Variants in KRT23 observed in about 807,000 individuals in gnomAD.
KRT23 encodes the protein keratin, type I cytoskeletal 23.
In KRT23, 38 loss-of-function variants were observed where a neutral mutation model predicts 47.6. The ratio of observed to expected loss-of-function variants is 0.80; its 90% confidence interval spans 0.62 to 1.05. KRT23 has a LOEUF of 1.05. Ranked by LOEUF, KRT23 falls within the 50% of genes least tolerant of loss-of-function variation. The pLI is 0.00. For synonymous variants in KRT23, 191 were observed against 199.0 expected, an observed-to-expected ratio of 0.96 and a Z score of 0.34; for missense variants, 503 against 529.5, an observed-to-expected ratio of 0.95 and a Z score of 0.49.
At chr17:40,928,162 G>C in intron 6 of KRT23, 76 bp downstream of exon 6, 1 of 1,584,342 alleles carries the variant, frequency 6.3e-7, no homozygotes, top group Non-Finnish European at 8.6e-7. Flanking sequence ...TGAGGGTCAG[G>C]GCCTGGGAGA....
chr17:40,929,675 A>G (rs1312256997), intron 4 of KRT23: 2 of 411,658 alleles, frequency 4.9e-6, no homozygotes, highest in Non-Finnish European at 8.6e-6. Context: ...TAACAAGCAC[A>G]TCTAGGTAAA....
intron 6 of KRT23, among the ~76,000 whole-genome samples, chr17:40,927,373 A>T (rs149404593): frequency 1.3e-3 from 192 of 152,336 alleles, no homozygotes; most frequent in African/African-American, 4.2e-3. Flanking sequence ...ACGTTTTGAA[A>T]GTTGCACTAT....
intron 4 of KRT23, 117 bp downstream of exon 4, chr17:40,929,823 G>T (rs576977698): frequency 1.5e-5 from 12 of 790,418 alleles, no homozygotes; most frequent in African/African-American, 1.4e-4. Flanking sequence ...GACTATTTAG[G>T]GTGAAGGACA....
intron 2 of KRT23, among the ~76,000 whole-genome samples, chr17:40,934,588 T>C (rs1325366891): frequency 2.0e-5 from 3 of 152,236 alleles, no homozygotes; most frequent in Non-Finnish European, 4.4e-5. Context: ...GTGTGGTTAA[T>C]GATGCAAGTA....
rs1909150372 is a variant in KRT23, at chr17:40,925,260, G to A, written c.1142+94C>T. On this transcript the variant is annotated intron_variant, in intron 7 of 8. Coordinates refer to ENST00000209718, the MANE Select transcript of KRT23 (RefSeq NM_015515.5). The stretch of plus-strand genomic sequence containing the variant: ...TCAACACAACTTTTCTCTTGCTAGA[G>A]TGACTCTTGCTAACAGAACCCAAAG... The A allele has an allele frequency of 1.8e-5, 19 of 1,053,862 alleles. 1 individual carries two copies. The South Asian group carries it at 2.3e-4, about 13-fold the overall frequency. The allele number at this position is 1,053,862 out of a possible 1,614,324, so 65.3% of individuals were successfully genotyped here. A position where few individuals can be genotyped will look rare whatever the true frequency, so the allele number is the denominator to read the frequency against.
chr17:40,930,087 A>AT lies in KRT23; in HGVS notation c.488dup (p.Asn163LysfsTer2). The stretch of plus-strand genomic sequence containing the variant: ...CCAAGTCTTTCTTAAAGGAGTGTTC[A>AT]TTTTCATACCTTTGGTGAGAAGGAA... On this transcript the variant is annotated frameshift_variant, in exon 4 of 9. Transcript: ENST00000209718. LOFTEE classifies it high-confidence loss of function. The AT allele has an allele frequency of 6.2e-7, 1 of 1,613,922 alleles. No homozygotes were observed. Among genetic ancestry groups the AT allele is most frequent in the Admixed American group, 1.7e-5 (1 of 60,008 alleles).
At chr17:40,936,087 A>C in intron 2 of KRT23, 121 bp downstream of exon 2, 1 of 1,045,448 alleles carries the variant, frequency 9.6e-7, no homozygotes. Context: ...ACCTTTGTGC[A>C]CAATTACTTC....
rs750178302 is a variant in KRT23, at chr17:40,922,707, C to G, written c.*282G>C. On this transcript the variant is annotated 3_prime_UTR_variant, in exon 9 of 9. Coordinates refer to ENST00000209718, the MANE Select transcript of KRT23 (RefSeq NM_015515.5). ...AAAAAAAGACACGATGCAGCTAGTG[C>G]GGAGTTTTATTGGCTACAAAATAGA... 1.4e-4 allele frequency: 39 copies of G among 281,918 alleles called. 1 individual carries two copies. Among genetic ancestry groups the G allele is most frequent in the Admixed American group, 1.0e-3 (20 of 19,326 alleles). 17.5% of individuals were successfully genotyped at this position (281,918 alleles called of 1,614,324 possible). A position where few individuals can be genotyped will look rare whatever the true frequency, so the allele number is the denominator to read the frequency against.
At chr17:40,930,784 T>C (rs920427622) in intron 3 of KRT23, among the ~76,000 whole-genome samples, 12 of 150,962 alleles carry the variant, frequency 7.9e-5, no homozygotes, top group African/African-American at 2.7e-4. Flanking sequence ...AATAAATAAA[T>C]AAATAAATAA....
At chr17:40,924,838 G>T (rs1052591649) in intron 7 of KRT23, among the ~76,000 whole-genome samples, 2 of 152,094 alleles carry the variant, frequency 1.3e-5, no homozygotes, top group Non-Finnish European at 2.9e-5. Context: ...TCAAAGTTTG[G>T]TCTAGTGATG....
chr17:40,935,709 T>A (rs1910015518), intron 2 of KRT23, among the ~76,000 whole-genome samples: 1 of 152,194 alleles, frequency 6.6e-6, no homozygotes, highest in South Asian at 2.1e-4. Flanking sequence ...CAAAATAGTG[T>A]AACAGCCTTT....
rs907829527 is a variant in KRT23, at chr17:40,937,418, C to G, written c.-423G>C. 3 of 152,464 alleles carry G rather than the reference C, an allele frequency of 2.0e-5. No individual in the cohort carries two copies. The highest frequency in any genetic ancestry group is 2.0e-4 in the Admixed American group (3 of 15,310). The allele number at this position is 152,464 out of a possible 1,614,324, so 9.4% of individuals were successfully genotyped here. A position where few individuals can be genotyped will look rare whatever the true frequency, so the allele number is the denominator to read the frequency against. On this transcript the variant is annotated 5_prime_UTR_variant, in exon 1 of 9. Transcript: ENST00000209718. The stretch of plus-strand genomic sequence containing the variant: ...CAACCCTGGCCTGCGCTCAGGATTT[C>G]CCTTGGCCCTGGGGGAGGAATGTAG...
At chr17:40,930,204 G>C in intron 3 of KRT23, 108 bp from the exon 4 acceptor site, 1 of 995,334 alleles carries the variant, frequency 1.0e-6, no homozygotes, top group Non-Finnish European at 1.5e-6. Flanking sequence ...GGTTTAAAGA[G>C]AGCAAATGAA....
Position 40,928,295 on chromosome 17 carries a change from G to C in KRT23, c.864C>G (p.His288Gln). 6.2e-7 allele frequency: 1 copy of C among 1,614,172 alleles called. No homozygotes were observed. Among genetic ancestry groups the C allele is most frequent in the Non-Finnish European group, 8.5e-7 (1 of 1,180,038 alleles). The change falls in exon 6 of 9, where the codon CAC becomes CAG. Residue 288 changes from histidine (H) to glutamine (Q), a missense_variant. Coordinates refer to ENST00000209718, the MANE Select transcript of KRT23 (RefSeq NM_015515.5). ...GGGCCTGGAATGTGCGCTTCAGTTC[G>C]TGGATGTCACCTTGTCTGCTCTGCA... ...ATVQSRQGDI[H>Q]ELKRTFQALE...
rs1909345772 is a variant in KRT23 at position 40,928,123 on chromosome 17, G to A, written c.921+115C>T. ...TCATCATAAACAATTTGGATGGAAA[G>A]TGGAAAGTGAGAGTTGTCCCAAGGG... On this transcript the variant is annotated intron_variant, in intron 6 of 8. Coordinates refer to ENST00000209718, the MANE Select transcript of KRT23 (RefSeq NM_015515.5). 1.4e-5 allele frequency: 18 copies of A among 1,302,076 alleles called. No individual in the cohort carries two copies. The East Asian group carries it at 2.5e-4, about 18-fold the overall frequency. 80.7% of individuals were successfully genotyped at this position (1,302,076 alleles called of 1,614,324 possible). A position where few individuals can be genotyped will look rare whatever the true frequency, so the allele number is the denominator to read the frequency against.
chr17:40,932,545 C>T (rs147473356), intron 2 of KRT23, among the ~76,000 whole-genome samples: 2 of 152,308 alleles, frequency 1.3e-5, no homozygotes, highest in Admixed American at 6.5e-5. Flanking sequence ...CATCAGGCTG[C>T]ATCACTCTAC....
At chr17:40,927,099 T>C (rs981890451) in intron 6 of KRT23, among the ~76,000 whole-genome samples, 2 of 152,176 alleles carry the variant, frequency 1.3e-5, no homozygotes, top group Non-Finnish European at 2.9e-5. Context: ...GGAAAACCTT[T>C]CCTGACCACC....
In KRT23 at chr17:40,936,479, C is replaced by A. The variant is rs1038708683; in HGVS notation, c.125G>T (p.Arg42Leu). 1.3e-6 allele frequency: 2 copies of A among 1,574,806 alleles called. No homozygotes were observed. Among genetic ancestry groups the A allele is most frequent in the South Asian group, 1.2e-5 (1 of 84,864 alleles). The change falls in exon 2 of 9, where the codon CGC (arginine) becomes CTC (leucine). Residue 42 changes from arginine to leucine, a missense_variant. Physicochemically the swap from Arg to Leu is moderately radical, Grantham distance 102. Transcript: ENST00000209718. ...CCGCGTGGTGAAGGACAGGGAGATGCGGGCTCCCCCCGCACCGCCATGGAC... is the reference window on the plus strand; with the variant it reads ...CCGCGTGGTGAAGGACAGGGAGATGAGGGCTCCCCCCGCACCGCCATGGAC... Reference protein sequence around the residue: ...PTVHGGAGGARISLSFTTRSC... With the variant: ...PTVHGGAGGALISLSFTTRSC...
At chr17:40,929,838 G>C in intron 4 of KRT23, 102 bp downstream of exon 4, 2 of 949,270 alleles carry the variant, frequency 2.1e-6, no homozygotes, top group Non-Finnish European at 3.1e-6. Flanking sequence ...AGGACAAGGG[G>C]ATTGGCATCC....
Sources: gnomAD v4.1 joint callset for allele counts (sites outside exome capture counted in the v4.1 genomes callset) on GRCh38, gnomAD v4.1.1 for gene constraint, MANE v1.5 for transcripts, NCBI Gene and HGNC (gene_info 2026-07-23, HGNC 2026-07-21) for gene names.